The following DDX55 variants were observed in gnomAD, a reference collection of about 807,000 sequenced individuals.
DDX55 encodes the protein ATP-dependent RNA helicase DDX55.
DDX55 carries 56 observed loss-of-function variants against 69.2 expected under a neutral mutation model. The observed-to-expected ratio is 0.81, with a 90% CI of 0.65 to 1.01. The LOEUF (loss-of-function observed/expected upper bound fraction) is 1.01, where lower values mean the gene tolerates loss of function less well. DDX55 is among the 50% of genes least tolerant of loss of function. The pLI, the probability that DDX55 is intolerant of heterozygous loss-of-function variation, is 0.00. For synonymous variants in DDX55, 268 were observed against 273.1 expected, an observed-to-expected ratio of 0.98 and a Z score of 0.18; for missense variants, 720 against 745.1, an observed-to-expected ratio of 0.97 and a Z score of 0.39.
In DDX55 at chr12:123,608,521, GTCTT is replaced by G. The variant is rs559558717; in HGVS notation, c.402-155_402-152del. Reference sequence around the variant, plus strand: ...AGATCCCGTCTCACCACAGCCCTCAGTCTTTCTACCCTGCAGCACTCTTCTACTC... The same window carrying G: ...AGATCCCGTCTCACCACAGCCCTCAGTCTACCCTGCAGCACTCTTCTACTC... On this transcript the variant is annotated intron_variant, in intron 5 of 13. Coordinates refer to ENST00000238146, the MANE Select transcript of DDX55 (RefSeq NM_020936.3). 116 of 856,282 alleles carry G rather than the reference GTCTT, an allele frequency of 1.4e-4. No individual in the cohort carries two copies. The African/African-American group carries it at 1.9e-3, about 14-fold the overall frequency. 53.0% of individuals were successfully genotyped at this position (856,282 alleles called of 1,614,324 possible).
chr12:123,620,620 AT>A lies in DDX55; in HGVS notation c.*481del, dbSNP rs1566211648. 60 of 96,652 alleles carry A rather than the reference AT, an allele frequency of 6.2e-4. No homozygotes were observed. The highest frequency in any genetic ancestry group is 1.1e-3 in the Non-Finnish European group (48 of 44,968). 6.0% of individuals were successfully genotyped at this position (96,652 alleles called of 1,614,324 possible). On this transcript the variant is annotated 3_prime_UTR_variant, in exon 14 of 14. Coordinates refer to ENST00000238146, the MANE Select transcript of DDX55 (RefSeq NM_020936.3). ...TATATATATATATATATATATATAT[AT>A]ATATATAAGCTCTTTTTTCTGAGGC... is the stretch of plus-strand genomic sequence containing the variant.
chr12:123,618,706 C>G lies in DDX55; in HGVS notation c.1202C>G (p.Ala401Gly), dbSNP rs201387635. ...GAGATGAAGCCCCAGAGAAACACAG[C>G]GGACCTTCTGCCAAAACTCAAGTCC... ...LQEMKPQRNT[A>G]DLLPKLKSMA... The change falls in exon 12 of 14, where the codon GCG becomes GGG. Residue 401 changes from alanine (A) to glycine (G), a missense_variant. By Grantham distance (60) the Ala-to-Gly change is moderately conservative. Transcript: ENST00000238146. The G allele has an allele frequency of 1.9e-6, 3 of 1,614,084 alleles. No homozygotes were observed. Among genetic ancestry groups the G allele is most frequent in the Non-Finnish European group, 2.5e-6 (3 of 1,180,002 alleles).
chr12:123,604,011 C>T (rs1403596391), intron 1 of DDX55, among the ~76,000 whole-genome samples: 3 of 151,888 alleles, frequency 2.0e-5, no homozygotes, highest in Non-Finnish European at 2.9e-5. Context: ...CCATGTTGGC[C>T]AGACTGGTCT....
intron 1 of DDX55, among the ~76,000 whole-genome samples, chr12:123,604,674 G>C (rs1329771908): frequency 6.6e-6 from 1 of 151,968 alleles, no homozygotes; most frequent in Non-Finnish European, 1.5e-5. Flanking sequence ...TGAAGACCTA[G>C]TATGAAAAAA....
At chr12:123,616,846 A>T (rs1954707556) in intron 10 of DDX55, 1 of 458,320 alleles carries the variant, frequency 2.2e-6, no homozygotes, top group Admixed American at 3.8e-5. Context: ...CAATGAGAGA[A>T]AACAAAAAAC....
At chr12:123,618,269 C>T (rs1256350757) in intron 11 of DDX55, 2 of 469,696 alleles carry the variant, frequency 4.3e-6, no homozygotes, top group African/African-American at 4.0e-5. Flanking sequence ...ACCTCGGCCT[C>T]CCAAAGTGCT....
chr12:123,607,810 T>A (rs1385644996), intron 5 of DDX55, 148 bp downstream of exon 5: 1 of 1,057,464 alleles, frequency 9.5e-7, no homozygotes, highest in African/African-American at 1.6e-5. Flanking sequence ...AGCTTCCCAT[T>A]GTGCTTTGCT....
At chr12:123,617,971 T>A in intron 11 of DDX55, 99 bp downstream of exon 11, 1 of 1,144,572 alleles carries the variant, frequency 8.7e-7, no homozygotes, top group Non-Finnish European at 1.3e-6. Flanking sequence ...AATTGCAAAC[T>A]CACTGGGGCT....
intron 7 of DDX55, among the ~76,000 whole-genome samples, chr12:123,611,884 T>G (rs1435036837): frequency 6.6e-6 from 1 of 152,178 alleles, no homozygotes; most frequent in African/African-American, 2.4e-5. Flanking sequence ...CTGGTGCATA[T>G]CTTGGCTTTG....
rs1428502760 is a variant in DDX55 at position 123,607,632 on chromosome 12, GAGA to G, written c.375_377del (p.Glu125del). ...CTTTGGATCGGAGGCAGGAATCCTGGAGAAGATGTTGAGAGGTTTAAGCAACAA... is the reference window on the plus strand; with the variant it reads ...CTTTGGATCGGAGGCAGGAATCCTGGAGATGTTGAGAGGTTTAAGCAACAA... On this transcript the variant is annotated inframe_deletion, in exon 5 of 14. Coordinates refer to ENST00000238146, the MANE Select transcript of DDX55 (RefSeq NM_020936.3). 5 of 1,614,016 alleles carry G rather than the reference GAGA, an allele frequency of 3.1e-6. No homozygotes were observed. Among genetic ancestry groups the G allele is most frequent in the Admixed American group, 1.7e-5 (1 of 59,978 alleles).
chr12:123,616,454 T>C (rs1954675379), intron 9 of DDX55, 57 bp from the exon 10 acceptor site: 1 of 1,504,664 alleles, frequency 6.6e-7, no homozygotes, highest in South Asian at 1.1e-5. Flanking sequence ...GTAGGCTGTT[T>C]GATGGTGATG....
Position 123,618,785 on chromosome 12 carries a change from A to G in DDX55, c.1281A>G (p.Ser427=), listed in dbSNP as rs1336717585. 3.7e-6 allele frequency: 6 copies of G among 1,614,128 alleles called. No individual in the cohort carries two copies. The highest frequency in any genetic ancestry group is 1.3e-5 in the African/African-American group (1 of 74,940). ...AAAAGGGCATGAAAGCTTTTGTGTC[A>G]TATGTCCAAGCTTATGCAAAGCATG... ...VFEKGMKAFV[S]YVQAYAKHEC... is the part of the protein sequence containing the mutation. The change falls in exon 12 of 14, where the codon TCA becomes TCG. Residue 427 remains serine (S), a synonymous_variant. Coordinates refer to ENST00000238146, the MANE Select transcript of DDX55 (RefSeq NM_020936.3).
intron 7 of DDX55, 124 bp downstream of exon 7, chr12:123,610,252 T>C: frequency 7.8e-7 from 1 of 1,277,504 alleles, no homozygotes. Flanking sequence ...GGGACAGAGC[T>C]AGCTAGGGCA....
At chr12:123,617,728 G>A (rs751389768) in intron 10 of DDX55, 30 bp from the exon 11 acceptor site, 2 of 1,584,948 alleles carry the variant, frequency 1.3e-6, no homozygotes, top group East Asian at 4.5e-5. Context: ...TCATCACCTG[G>A]GTACCCATTT....
chr12:123,618,020 T>G (rs973670950), intron 11 of DDX55, 148 bp downstream of exon 11: 6 of 631,312 alleles, frequency 9.5e-6, no homozygotes, highest in South Asian at 2.0e-5. Flanking sequence ...GTGGGGTTTT[T>G]TTTTTTTTTT....
At chr12:123,618,410 T>C (rs1239001256) in intron 11 of DDX55, 1 of 1,012,758 alleles carries the variant, frequency 9.9e-7, no homozygotes, top group Non-Finnish European at 1.5e-6. Flanking sequence ...CAAGGGTTAC[T>C]TCTTGTGAAT....
Position 123,613,194 on chromosome 12 carries a change from A to G in DDX55, c.766A>G (p.Asn256Asp). ...GGTATGCAAGGCAGATGAGAAATTT[A>G]ATCAGCTGGTCCATTTTCTTCGCAA... ...YMVCKADEKF[N>D]QLVHFLRNHK... is the part of the protein sequence containing the mutation. Residue 256 changes from asparagine (N) to aspartate (D), a missense_variant, in exon 8 of 14, where the codon AAT (asparagine) becomes GAT (aspartate). Asn to Asp is a conservative substitution (Grantham distance 23, BLOSUM62 1). Transcript: ENST00000238146. The G allele has an allele frequency of 6.2e-7, 1 of 1,614,116 alleles. No homozygotes were observed. Among genetic ancestry groups the G allele is most frequent in the Non-Finnish European group, 8.5e-7 (1 of 1,180,020 alleles).
At chr12:123,602,624 A>G (rs1953636443) in intron 1 of DDX55, among the ~76,000 whole-genome samples, 1 of 152,212 alleles carries the variant, frequency 6.6e-6, no homozygotes, top group South Asian at 2.1e-4. Flanking sequence ...TGGGGACTAA[A>G]TAAACCAGTC....
chr12:123,619,413 G>A lies in DDX55; in HGVS notation c.1334-19G>A. 3 of 1,602,784 alleles carry A rather than the reference G, an allele frequency of 1.9e-6. No homozygotes were observed. Among genetic ancestry groups the A allele is most frequent in the Middle Eastern group, 1.7e-4 (1 of 5,878 alleles). On this transcript the variant is annotated intron_variant, in intron 12 of 13. Coordinates refer to ENST00000238146, the MANE Select transcript of DDX55 (RefSeq NM_020936.3). Reference sequence around the variant, plus strand: ...TAATCCTGTTGAGTGCGCTAACTCTGATCTTCTGATTGAATCAGATCTTGA... The same window carrying A: ...TAATCCTGTTGAGTGCGCTAACTCTAATCTTCTGATTGAATCAGATCTTGA...
Sources: gnomAD v4.1 joint callset for allele counts (sites outside exome capture counted in the v4.1 genomes callset) on GRCh38, gnomAD v4.1.1 for gene constraint, MANE v1.5 for transcripts, NCBI Gene and HGNC (gene_info 2026-07-23, HGNC 2026-07-21) for gene names.